Variants in COL23A1 observed in about 807,000 individuals in gnomAD.
COL23A1 encodes collagen alpha-1(XXIII) chain.
Under a neutral mutation model 99.3 loss-of-function variants are expected in COL23A1, and 97 were observed. The ratio of observed to expected loss-of-function variants is 0.98; its 90% CI spans 0.83 to 1.16. The LOEUF is 1.16. Ranked by LOEUF, COL23A1 falls within the 50% of genes most tolerant of loss-of-function variation. The pLI, the probability that COL23A1 is intolerant of heterozygous loss-of-function variation, is 0.00. For missense variants in COL23A1, 762 were observed against 757.4 expected, an observed-to-expected ratio of 1.01 and a Z score of -0.07; for synonymous variants, 320 against 308.2, an observed-to-expected ratio of 1.04 and a Z score of -0.40.
At chr5:178,349,034 G>GTCTTCCTGCGTCT (rs1761149348) in intron 2 of COL23A1, among the ~76,000 whole-genome samples, 1 of 152,110 alleles carries the variant, frequency 6.6e-6, no homozygotes, top group South Asian at 2.1e-4. Context: ...AGGCGGCATT[G>GTCTTCCTGCGTCT]TCTTCCTGCG....
chr5:178,574,799 C>G (rs73804314), intron 1 of COL23A1, among the ~76,000 whole-genome samples: 3,162 of 152,194 alleles, frequency 0.021, 108 homozygotes, highest in African/African-American at 0.07. Context: ...TTAGCATCTC[C>G]GAGTTGGAGA....
At chr5:178,487,009 C>T (rs921151743) in intron 2 of COL23A1, among the ~76,000 whole-genome samples, 3 of 152,228 alleles carry the variant, frequency 2.0e-5, no homozygotes, top group African/African-American at 7.2e-5. Flanking sequence ...CCACTGGTAG[C>T]TCATGCATTC....
At position 178,262,262 on chromosome 5, in the gene COL23A1, T is replaced by G. The variant is rs752703798; in HGVS notation, c.640-10A>C. 6 of 1,578,778 alleles carry G rather than the reference T, an allele frequency of 3.8e-6. No homozygotes were observed. The highest frequency in any genetic ancestry group is 4.3e-6 in the Non-Finnish European group (5 of 1,161,782). On this transcript the variant is annotated splice_polypyrimidine_tract_variant and intron_variant, in intron 9 of 28. Coordinates refer to ENST00000390654, the MANE Select transcript of COL23A1 (RefSeq NM_173465.4). ...GCTCTCCTTTGGGGCCCTGCGGAAG[T>G]GTGAGGGGACAGCAGTGAAGGATGC...
chr5:178,547,015 T>A (rs1761619641), intron 2 of COL23A1, among the ~76,000 whole-genome samples: 1 of 152,140 alleles, frequency 6.6e-6, no homozygotes, highest in Non-Finnish European at 1.5e-5. Context: ...TTGGGGGGCA[T>A]CCTTCTGGGA....
chr5:178,354,166 T>C (rs1761492295), intron 2 of COL23A1, among the ~76,000 whole-genome samples: 1 of 152,114 alleles, frequency 6.6e-6, no homozygotes, highest in Non-Finnish European at 1.5e-5. Context: ...TTATAATTCT[T>C]TTCCCCTATT....
At position 178,415,040 on chromosome 5, in the gene COL23A1, A is replaced by G. The variant is rs530164710; in HGVS notation, c.362-108121T>C. ...TGCTGACCTGCCTCTCTGCTTCCAC[A>G]ATAAGATGAGGGCAGGTTTTTAAAC... On this transcript the variant is annotated intron_variant, in intron 2 of 28. Transcript: ENST00000390654. This position sits in a 1 kb window ranked among gnomAD's most constrained non-coding sequence, Gnocchi z 4.6. Among the ~76,000 whole-genome samples the G allele has an allele frequency of 2.9e-3, 434 of 152,160 alleles. 2 individuals carry two copies. Among genetic ancestry groups the G allele is most frequent in the African/African-American group, 9.8e-3 (406 of 41,522 alleles).
intron 2 of COL23A1, among the ~76,000 whole-genome samples, chr5:178,333,651 G>A (rs1287000756): frequency 6.6e-6 from 1 of 152,084 alleles, no homozygotes; most frequent in African/African-American, 2.4e-5. Context: ...CCATCCTGGC[G>A]CTCCTCATCC....
At position 178,399,739 on chromosome 5, in the gene COL23A1, G is replaced by T. The variant is rs192225864; in HGVS notation, c.362-92820C>A. 2.6e-5 allele frequency among the ~76,000 whole-genome samples: 4 copies of T among 152,336 alleles called. No individual in the cohort carries two copies. In the East Asian group the frequency reaches 7.7e-4, roughly 29 times the overall value. On this transcript the variant is annotated intron_variant, in intron 2 of 28. Coordinates refer to ENST00000390654, the MANE Select transcript of COL23A1 (RefSeq NM_173465.4). ...ATCAAAAGGAGGCTGACCAAAGGAG[G>T]GAGGGGAGTAAACATCTCTAACTAA...
At chr5:178,342,591 C>A (rs1052474349) in intron 2 of COL23A1, among the ~76,000 whole-genome samples, 1 of 152,198 alleles carries the variant, frequency 6.6e-6, no homozygotes, top group East Asian at 1.9e-4. Flanking sequence ...AAGCTCCCTG[C>A]TGAGTTTGGC....
chr5:178,296,557 A>G (rs1453380437), intron 3 of COL23A1, among the ~76,000 whole-genome samples: 1 of 151,484 alleles, frequency 6.6e-6, no homozygotes, highest in African/African-American at 2.4e-5. Context: ...TTTCTTGGCC[A>G]CGCCGTTTTT....
At chr5:178,286,900 ATCTACAC>A (rs1202130045) in intron 5 of COL23A1, among the ~76,000 whole-genome samples, 8 of 152,130 alleles carry the variant, frequency 5.3e-5, no homozygotes, top group Middle Eastern at 3.2e-3. Context: ...GAAACCACTC[ATCTACAC>A]CCCACCCTCT....
chr5:178,472,063 G>A (rs754652262), intron 2 of COL23A1, among the ~76,000 whole-genome samples: 12 of 152,216 alleles, frequency 7.9e-5, no homozygotes, highest in Non-Finnish European at 1.6e-4. Context: ...AGCTCAAGGA[G>A]GGAGGATGGC....
chr5:178,258,250 T>TTTTAA (rs1765423783), intron 12 of COL23A1, among the ~76,000 whole-genome samples: 1 of 128,756 alleles, frequency 7.8e-6, no homozygotes, highest in Non-Finnish European at 1.8e-5. Flanking sequence ...TATATATATA[T>TTTTAA]ATATATATAT....
chr5:178,490,078 A>G (rs1757846212), intron 2 of COL23A1, among the ~76,000 whole-genome samples: 1 of 152,076 alleles, frequency 6.6e-6, no homozygotes, highest in African/African-American at 2.4e-5. Context: ...TACTAAAAAT[A>G]CAAAAAAGTT....
At chr5:178,338,585 C>CCCAGCACCGCGTA in intron 2 of COL23A1, among the ~76,000 whole-genome samples, 1 of 147,842 alleles carries the variant, frequency 6.8e-6, no homozygotes, top group South Asian at 2.1e-4. Flanking sequence ...TCCTGGGTCA[C>CCCAGCACCGCGTA]TGGCCAGCAC....
At chr5:178,412,244 A>G (rs1322130326) in intron 2 of COL23A1, among the ~76,000 whole-genome samples, 1 of 152,240 alleles carries the variant, frequency 6.6e-6, no homozygotes, top group Non-Finnish European at 1.5e-5. Context: ...TTGAAAATAT[A>G]AGGTATGAGT....
chr5:178,375,021 A>C (rs1328131219), intron 2 of COL23A1, among the ~76,000 whole-genome samples: 2 of 152,244 alleles, frequency 1.3e-5, no homozygotes, highest in Non-Finnish European at 2.9e-5. Context: ...GCGACAACCG[A>C]AATCACCGTC....
At chr5:178,368,171 T>C (rs2127717262) in intron 2 of COL23A1, among the ~76,000 whole-genome samples, 1 of 152,292 alleles carries the variant, frequency 6.6e-6, no homozygotes, top group East Asian at 1.9e-4. Context: ...TCTAGAACTT[T>C]CCATGTGTGA....
intron 2 of COL23A1, among the ~76,000 whole-genome samples, chr5:178,445,680 T>C (rs1767118129): frequency 1.3e-5 from 2 of 151,900 alleles, no homozygotes; most frequent in Admixed American, 6.6e-5. Flanking sequence ...GTACAGAGAG[T>C]TTAAATATTT....
Sources: allele counts gnomAD v4.1 joint callset (sites outside exome capture counted in the v4.1 genomes callset), GRCh38; gene constraint gnomAD v4.1.1; non-coding constraint Gnocchi (gnomAD v3.1); transcripts MANE v1.5; gene names NCBI Gene and HGNC (gene_info 2026-07-23, HGNC 2026-07-21).